Variants in NOBOX observed in about 807,000 individuals in gnomAD.
NOBOX encodes homeobox protein NOBOX.
NOBOX carries 46 observed loss-of-function variants against 60.2 expected under a neutral mutation model. That is an observed-to-expected ratio of 0.76 (90% CI 0.60 to 0.98). The LOEUF is 0.98. Ranked by LOEUF, NOBOX falls within the 50% of genes least tolerant of loss-of-function variation. The probability of loss-of-function intolerance (pLI) is 0.00; values close to 1 mark genes in which losing one functional copy is unlikely to be tolerated. For missense variants in NOBOX, 880 were observed against 865.5 expected, an observed-to-expected ratio of 1.02 and a Z score of -0.21; for synonymous variants, 360 against 346.3, an observed-to-expected ratio of 1.04 and a Z score of -0.44.
chr7:144,399,110 C>A lies in NOBOX; in HGVS notation c.1309G>T (p.Val437Leu). 2.7e-6 allele frequency: 4 copies of A among 1,503,096 alleles called. No homozygotes were observed. Among genetic ancestry groups the A allele is most frequent in the Non-Finnish European group, 3.7e-6 (4 of 1,081,542 alleles). 93.1% of individuals were successfully genotyped at this position (1,503,096 alleles called of 1,614,324 possible). A position where few individuals can be genotyped will look rare whatever the true frequency, so the allele number is the denominator to read the frequency against. The change falls in exon 8 of 10, where the codon GTG becomes TTG. Residue 437 changes from valine to leucine, a missense_variant. Transcript: ENST00000467773. Reference sequence around the variant, plus strand: ...GGGCTGAAGAGTGGGGGGGTCACCACCCTCTGAGCACCCTCACTGGGTTGG... The same window carrying A: ...GGGCTGAAGAGTGGGGGGGTCACCAACCTCTGAGCACCCTCACTGGGTTGG...
chr7:144,397,064 G>A (rs2053897516), downstream of NOBOX, among the ~76,000 whole-genome samples: 1 of 152,114 alleles, frequency 6.6e-6, no homozygotes, highest in Non-Finnish European at 1.5e-5. Context: ...AAAGGGAAGC[G>A]CCAGCCCTCT....
intron 1 of NOBOX, among the ~76,000 whole-genome samples, chr7:144,405,069 A>G (rs928981883): frequency 5.3e-5 from 8 of 152,172 alleles, no homozygotes; most frequent in African/African-American, 1.9e-4. Context: ...GGCTTGGCCT[A>G]CACATGTGGA....
Position 144,400,959 on chromosome 7 carries a change from G to T in NOBOX, c.844+87C>A. ...CATACAAACTAACCCCATCCCTCAG[G>T]TCTCCTGGGGGTAGATTCTTCACAC... On this transcript the variant is annotated intron_variant, in intron 4 of 9. Transcript: ENST00000467773. The T allele has an allele frequency of 3.4e-6, 4 of 1,168,972 alleles. No individual in the cohort carries two copies. In the South Asian group the frequency reaches 7.5e-5, roughly 22 times the overall value. 72.4% of individuals were successfully genotyped at this position (1,168,972 alleles called of 1,614,324 possible).
intron 8 of NOBOX, 56 bp downstream of exon 6, chr7:144,398,894 C>T (rs1317983315): frequency 9.4e-6 from 9 of 960,240 alleles, no homozygotes; most frequent in African/African-American, 6.5e-5. Context: ...TCTCCATCTA[C>T]ACCCCCCTAC....
chr7:144,401,461 C>G lies in NOBOX; in HGVS notation c.429G>C (p.Pro143=). ...CGGTGGCTTCTCCAGAGACTGCTGG[C>G]GGCTTCTTCTCTCCTGAGATGGTGC... Residue 143 remains proline, a synonymous_variant, in exon 4 of 10, where the codon CCG becomes CCC. Transcript: ENST00000467773. The surrounding 1 kb of genome is among the most constrained non-coding windows in gnomAD (Gnocchi z 4.2). 1.3e-6 allele frequency: 2 copies of G among 1,585,330 alleles called. No homozygotes were observed. Among genetic ancestry groups the G allele is most frequent in the Non-Finnish European group, 1.7e-6 (2 of 1,166,818 alleles).
chr7:144,402,312 T>C (rs2053947371), intron 2 of NOBOX, among the ~76,000 whole-genome samples: 1 of 151,850 alleles, frequency 6.6e-6, no homozygotes, highest in Non-Finnish European at 1.5e-5. Context: ...ACCCTACCAC[T>C]CATCCCTAAA....
chr7:144,399,206 T>A, intron 7 of NOBOX, 28 bp from the exon 6 acceptor site: 1 of 1,179,134 alleles, frequency 8.5e-7, no homozygotes, highest in Non-Finnish European at 1.2e-6. Context: ...AGAGGTGCTA[T>A]AACGGTAAGG....
chr7:144,399,869 G>C lies in NOBOX; in HGVS notation c.1048-6C>G, dbSNP rs764455340. 3.7e-6 allele frequency: 6 copies of C among 1,603,048 alleles called. No individual in the cohort carries two copies. The highest frequency in any genetic ancestry group is 1.1e-5 in the South Asian group (1 of 90,386). On this transcript the variant is annotated splice_region_variant and splice_polypyrimidine_tract_variant and intron_variant, in intron 5 of 9. Coordinates refer to ENST00000467773, the MANE Select transcript of NOBOX (RefSeq NM_001080413.3). ...CGGCGATTCTGGAACCACACCTATG[G>C]GGGGAAAGGTGCTTGAAGAACTGGA... is the stretch of plus-strand genomic sequence containing the variant.
intron 2 of NOBOX, chr7:144,402,089 C>T: frequency 3.1e-6 from 2 of 643,858 alleles, no homozygotes; most frequent in Non-Finnish European, 5.5e-6. Flanking sequence ...TCTCCAGCAG[C>T]CGAGGCAAGA....
chr7:144,397,451 T>C lies in NOBOX; in HGVS notation c.1865A>G (p.Asp622Gly). ...TGGAAATAGATCAGGAAAGTAGCCA[T>C]CCCCTCCTGGGGGATGCCCCAGAGC... Residue 622 changes from aspartate to glycine, a missense_variant, in exon 10 of 10, where the codon GAT becomes GGT. Coordinates refer to ENST00000467773, the MANE Select transcript of NOBOX (RefSeq NM_001080413.3). The C allele has an allele frequency of 6.5e-7, 1 of 1,537,100 alleles. No homozygotes were observed. Among genetic ancestry groups the C allele is most frequent in the Non-Finnish European group, 8.7e-7 (1 of 1,146,880 alleles).
At chr7:144,403,459 G>A (rs1027384404) in intron 2 of NOBOX, among the ~76,000 whole-genome samples, 198 bp downstream of exon 1, 4 of 151,876 alleles carry the variant, frequency 2.6e-5, no homozygotes, top group African/African-American at 7.3e-5. Context: ...GCGGGGGAGC[G>A]GGGAGGGGGG....
rs556519281 is a variant in NOBOX, at chr7:144,397,534, G to T, written c.1782C>A (p.Ala594=). The T allele has an allele frequency of 6.6e-7, 1 of 1,524,052 alleles. No individual in the cohort carries two copies. The highest frequency in any genetic ancestry group is 1.4e-5 in the African/African-American group (1 of 72,764). The allele number at this position is 1,524,052 out of a possible 1,614,324, so 94.4% of individuals were successfully genotyped here. A position where few individuals can be genotyped will look rare whatever the true frequency, so the allele number is the denominator to read the frequency against. The change falls in exon 10 of 10, where the codon GCC becomes GCA. Residue 594 remains alanine, a synonymous_variant. Transcript: ENST00000467773. ...CTGGCAAACAGGGGTCACTCCAGGA[G>T]GCTGTACCTGTGGGGTCGGAGGGTG... is the stretch of plus-strand genomic sequence containing the variant.
intron 2 of NOBOX, among the ~76,000 whole-genome samples, chr7:144,402,747 C>CTTTTTTTTTTTTTTTTTTTTT (rs2053950887): frequency 9.2e-6 from 1 of 109,124 alleles, no homozygotes; most frequent in African/African-American, 3.5e-5. Flanking sequence ...TAAGGAATAA[C>CTTTTTTTTTTTTTTTTTTTTT]ATTTTTTTTT....
chr7:144,400,475 G>T (rs1367968167), intron 4 of NOBOX, among the ~76,000 whole-genome samples, 163 bp from the exon 3 acceptor site: 3 of 152,220 alleles, frequency 2.0e-5, no homozygotes, highest in Admixed American at 6.5e-5. Context: ...TCTCGCTCTT[G>T]GGTGCTACAG....
chr7:144,404,268 A>G (rs1249484009), intron 2 of NOBOX, among the ~76,000 whole-genome samples: 1 of 152,166 alleles, frequency 6.6e-6, no homozygotes, highest in Non-Finnish European at 1.5e-5. Flanking sequence ...TTTGTTTTTG[A>G]GACGGAGTCT....
At position 144,401,848 on chromosome 7, in the gene NOBOX, T is replaced by G; in HGVS notation, c.292+21A>C. 1 of 1,503,254 alleles carries G rather than the reference T, an allele frequency of 6.7e-7. No homozygotes were observed. The highest frequency in any genetic ancestry group is 1.2e-5 in the South Asian group (1 of 86,652). 93.1% of individuals were successfully genotyped at this position (1,503,254 alleles called of 1,614,324 possible). A position where few individuals can be genotyped will look rare whatever the true frequency, so the allele number is the denominator to read the frequency against. On this transcript the variant is annotated intron_variant, in intron 3 of 9. Transcript: ENST00000467773. This position sits in a 1 kb window ranked among gnomAD's most constrained non-coding sequence, Gnocchi z 4.2. Reference sequence around the variant, plus strand: ...TGAGACGGCGTTAGCTCATGGTATCTCCTAATTTGGGGGTACTCACCCCTT... The same window carrying G: ...TGAGACGGCGTTAGCTCATGGTATCGCCTAATTTGGGGGTACTCACCCCTT...
Position 144,401,403 on chromosome 7 carries a change from G to T in NOBOX, c.487C>A (p.Arg163Ser), listed in dbSNP as rs372165690. The change falls in exon 4 of 10, where the codon CGC (arginine) becomes AGC (serine). Residue 163 changes from arginine to serine, a missense_variant. Transcript: ENST00000467773. The surrounding 1 kb of genome is among the most constrained non-coding windows in gnomAD (Gnocchi z 4.2). ...CTGTCTTTGTGGGGAGCCCTGGAGC[G>T]GGGGGGCGGGCACAGTCTCCCAGCA... 5.0e-6 allele frequency: 8 copies of T among 1,611,638 alleles called. No homozygotes were observed. Among genetic ancestry groups the T allele is most frequent in the East Asian group, 4.5e-5 (2 of 44,838 alleles).
At chr7:144,403,738 C>G (rs1399803931) in intron 2 of NOBOX, 45 bp from the exon 1 acceptor site, 2 of 692,090 alleles carry the variant, frequency 2.9e-6, no homozygotes, top group African/African-American at 3.6e-5. Context: ...TGCACAGGCG[C>G]GGCCTAATGA....
chr7:144,397,057 G>C (rs1221318099), downstream of NOBOX, among the ~76,000 whole-genome samples: 2 of 152,156 alleles, frequency 1.3e-5, no homozygotes, highest in Non-Finnish European at 2.9e-5. Flanking sequence ...GTGAAGAAAA[G>C]GGAAGCGCCA....
Sources: allele counts gnomAD v4.1 joint callset (sites outside exome capture counted in the v4.1 genomes callset), GRCh38; gene constraint gnomAD v4.1.1; non-coding constraint Gnocchi (gnomAD v3.1); transcripts MANE v1.5; gene names NCBI Gene and HGNC (gene_info 2026-07-23, HGNC 2026-07-21).